The following MRO variants were observed in gnomAD, a reference collection of about 807,000 sequenced individuals.
The protein encoded by MRO is maestro, also known as protein maestro.
MRO carries 28 observed loss-of-function variants against 31.0 expected under a neutral mutation model. The observed-to-expected ratio is 0.90, with a 90% CI of 0.67 to 1.24. MRO has a LOEUF of 1.24. Ranked by LOEUF, MRO falls within the 50% of genes most tolerant of loss-of-function variation. The pLI, the probability that MRO is intolerant of heterozygous loss-of-function variation, is 0.00. For missense variants in MRO, 332 were observed against 289.2 expected, an observed-to-expected ratio of 1.15 and a Z score of -1.07; for synonymous variants, 108 against 108.4, an observed-to-expected ratio of 1.00 and a Z score of 0.02.
At position 50,799,367 on chromosome 18, in the gene MRO, C is replaced by T. The variant is rs558247458; in HGVS notation, c.717G>A (p.Leu239=). 1.3e-5 allele frequency: 21 copies of T among 1,614,056 alleles called. No individual in the cohort carries two copies. The African/African-American group carries it at 1.3e-4, about 10-fold the overall frequency. ...QQLSHYHPEI[L]QFFYANKIL is the part of the protein sequence containing the mutation. ...GAATTTTATTTGCGTAGAAGAACTG[C>T]AGGATCTCTGGATGATAGTGGCTCT... Residue 239 remains leucine, a synonymous_variant, in exon 8 of 8, where the codon CTG becomes CTA. Transcript: ENST00000398439.
At chr18:50,810,434 G>A (rs1914379323) in intron 2 of MRO, among the ~76,000 whole-genome samples, 1 of 152,162 alleles carries the variant, frequency 6.6e-6, no homozygotes, top group African/African-American at 2.4e-5. Context: ...TCAGAATGAG[G>A]GCAGGAAATA....
intron 3 of MRO, among the ~76,000 whole-genome samples, chr18:50,807,550 T>C (rs1914064915): frequency 6.6e-6 from 1 of 152,216 alleles, no homozygotes; most frequent in Non-Finnish European, 1.5e-5. Flanking sequence ...ATTAATCTAG[T>C]ACACATCTAC....
chr18:50,808,751 G>A (rs1415238361), intron 3 of MRO, among the ~76,000 whole-genome samples: 2 of 150,374 alleles, frequency 1.3e-5, no homozygotes, highest in Non-Finnish European at 3.0e-5. Flanking sequence ...CACCACACCC[G>A]GCCTCATTCC....
At chr18:50,812,117 A>G (rs533071133) in intron 2 of MRO, among the ~76,000 whole-genome samples, 1 of 152,244 alleles carries the variant, frequency 6.6e-6, no homozygotes, top group East Asian at 1.9e-4. Flanking sequence ...CATTTTACAT[A>G]CCCACCAGCA....
chr18:50,822,694 C>T (rs1170884157), upstream of MRO, among the ~76,000 whole-genome samples: 1 of 135,350 alleles, frequency 7.4e-6, no homozygotes, highest in Non-Finnish European at 1.6e-5. Context: ...ACATCCCCCG[C>T]CCCCCGCCCC....
chr18:50,802,916 A>AGT (rs71735972), intron 5 of MRO, among the ~76,000 whole-genome samples: 3,166 of 144,686 alleles, frequency 0.022, 94 homozygotes, highest in African/African-American at 0.068. Flanking sequence ...GTGTGTGTGT[A>AGT]GTGTGTGTGT....
chr18:50,812,211 T>C (rs554903125), intron 2 of MRO, among the ~76,000 whole-genome samples: 16 of 152,228 alleles, frequency 1.1e-4, no homozygotes, highest in Non-Finnish European at 1.9e-4. Flanking sequence ...TCCATGTTAG[T>C]AGGTATGAAG....
intron 2 of MRO, among the ~76,000 whole-genome samples, chr18:50,817,172 C>T (rs535669718): frequency 1.3e-5 from 2 of 152,186 alleles, no homozygotes; most frequent in Admixed American, 1.3e-4. Context: ...CTTGAGCTCA[C>T]TACCTCTTCT....
Position 50,801,395 on chromosome 18 carries a change from T to C in MRO, c.539A>G (p.Asp180Gly). The C allele has an allele frequency of 6.2e-7, 1 of 1,610,962 alleles. No individual in the cohort carries two copies. ...GTCCTGTAAATGGATCAGGAGGGAATCTCGTGTCTGCTTAACCTGACTGGT... is the reference window on the plus strand; with the variant it reads ...GTCCTGTAAATGGATCAGGAGGGAACCTCGTGTCTGCTTAACCTGACTGGT... ...FFTSQVKQTRDSLLIHLQDRN... is the reference protein window; with the variant it reads ...FFTSQVKQTRGSLLIHLQDRN... Residue 180 changes from aspartate (D) to glycine (G), a missense_variant, in exon 6 of 8, where the codon GAT (aspartate) becomes GGT (glycine). Coordinates refer to ENST00000398439, the MANE Select transcript of MRO (RefSeq NM_031939.6).
Position 50,800,062 on chromosome 18 carries a change from T to C in MRO, c.667A>G (p.Arg223Gly). Residue 223 changes from arginine to glycine, a missense_variant, in exon 7 of 8, where the codon AGG becomes GGG. Arg to Gly is a moderately radical substitution (Grantham distance 125). Transcript: ENST00000398439. ...EYSFQSEEDQ[R>G]NTKLYQQLSH... ...AGCTGCTGGTAGAGCTTAGTGTTCCTTTGATCTTCTTCACTCTGGAAGCTG... is the reference window on the plus strand; with the variant it reads ...AGCTGCTGGTAGAGCTTAGTGTTCCCTTGATCTTCTTCACTCTGGAAGCTG... The C allele has an allele frequency of 1.9e-6, 3 of 1,613,616 alleles. No homozygotes were observed. Among genetic ancestry groups the C allele is most frequent in the Non-Finnish European group, 2.5e-6 (3 of 1,179,584 alleles).
chr18:50,820,505 T>A (rs776301735), upstream of MRO, among the ~76,000 whole-genome samples: 4 of 152,160 alleles, frequency 2.6e-5, no homozygotes, highest in Non-Finnish European at 5.9e-5. Context: ...GGAGAAAATA[T>A]GTCCTGAAAG....
At chr18:50,802,916 A>ATGTGTGT (rs1913512232) in intron 5 of MRO, among the ~76,000 whole-genome samples, 5 of 144,606 alleles carry the variant, frequency 3.5e-5, no homozygotes, top group African/African-American at 1.3e-4. Flanking sequence ...GTGTGTGTGT[A>ATGTGTGT]GTGTGTGTGT....
intron 2 of MRO, chr18:50,814,628 C>T (rs990622605): frequency 4.7e-6 from 1 of 213,144 alleles, no homozygotes. Flanking sequence ...GAACCAAAGA[C>T]AGCTGTCTCT....
intron 6 of MRO, 93 bp downstream of exon 6, chr18:50,801,256 G>A: frequency 2.6e-6 from 3 of 1,150,166 alleles, no homozygotes; most frequent in South Asian, 3.4e-5. Context: ...AGCAGTGCTG[G>A]CAGGAACCCT....
chr18:50,805,274 A>T lies in MRO; in HGVS notation c.309T>A (p.Asn103Lys). The T allele has an allele frequency of 6.2e-7, 1 of 1,614,154 alleles. No homozygotes were observed. The highest frequency in any genetic ancestry group is 8.5e-7 in the Non-Finnish European group (1 of 1,180,018). Residue 103 changes from asparagine (N) to lysine (K), a missense_variant, in exon 5 of 8, where the codon AAT becomes AAA. Coordinates refer to ENST00000398439, the MANE Select transcript of MRO (RefSeq NM_031939.6). ...LLVYGLYDPV[N>K]LEVIHESMKT... ...TCATACTCTCATGGATGACTTCCAA[A>T]TTCACAGGGTCATACAGTCCATACA...
intron 2 of MRO, among the ~76,000 whole-genome samples, chr18:50,810,127 A>G (rs1914345648): frequency 6.6e-6 from 1 of 152,112 alleles, no homozygotes; most frequent in African/African-American, 2.4e-5. Flanking sequence ...ACCACGCCCA[A>G]TTAATTTTTA....
At chr18:50,812,560 G>T (rs1423190773) in intron 2 of MRO, among the ~76,000 whole-genome samples, 2 of 152,096 alleles carry the variant, frequency 1.3e-5, no homozygotes, top group African/African-American at 2.4e-5. Flanking sequence ...CATGCTTTTA[G>T]TGTTAAATCT....
chr18:50,815,728 G>T, intron 2 of MRO: 1 of 456,490 alleles, frequency 2.2e-6, no homozygotes, highest in South Asian at 1.7e-5. Flanking sequence ...GGTAACAGAA[G>T]GTTCTAAAAA....
At chr18:50,810,921 A>G (rs1359865075) in intron 2 of MRO, among the ~76,000 whole-genome samples, 1 of 152,180 alleles carries the variant, frequency 6.6e-6, no homozygotes, top group African/African-American at 2.4e-5. Context: ...ATATGTATAC[A>G]TGTGAGGGGC....
Sources: gnomAD v4.1 joint callset for allele counts (sites outside exome capture counted in the v4.1 genomes callset) on GRCh38, gnomAD v4.1.1 for gene constraint, MANE v1.5 for transcripts, NCBI Gene and HGNC (gene_info 2026-07-23, HGNC 2026-07-21) for gene names.